The following CNOT6L variants were observed in gnomAD, a reference collection of about 807,000 sequenced individuals.
The protein encoded by CNOT6L is CCR4-NOT transcription complex subunit 6 like.
Under a neutral mutation model 64.0 loss-of-function variants are expected in CNOT6L, and 7 were observed. The ratio of observed to expected loss-of-function variants is 0.11; its 90% confidence interval spans 0.06 to 0.21. The LOEUF is 0.21. Ranked by LOEUF, CNOT6L falls within the 10% of genes least tolerant of loss-of-function variation. The pLI is 1.00. For missense variants in CNOT6L, 245 were observed against 669.0 expected (o/e 0.37, Z 6.99); for synonymous variants, 193 against 243.4 (o/e 0.79, Z 1.93).
chr4:77,732,271 T>C (rs1295563624), intron 8 of CNOT6L, among the ~76,000 whole-genome samples: 3 of 152,062 alleles, frequency 2.0e-5, no homozygotes, highest in African/African-American at 4.8e-5. Flanking sequence ...CATTGTAGAG[T>C]TGTAGGATTT....
intron 1 of CNOT6L, among the ~76,000 whole-genome samples, chr4:77,805,421 T>C (rs1359459003): frequency 6.6e-6 from 1 of 152,056 alleles, no homozygotes; most frequent in Non-Finnish European, 1.5e-5. Flanking sequence ...ACCTGTGAAT[T>C]TATATAGAAA....
chr4:77,793,100 C>T (rs377410885), intron 1 of CNOT6L, among the ~76,000 whole-genome samples: 6 of 151,854 alleles, frequency 4.0e-5, no homozygotes, highest in African/African-American at 1.2e-4. Flanking sequence ...AAGCATGAGT[C>T]CAGAGTATAG....
At chr4:77,762,733 T>G (rs1726382303) in intron 4 of CNOT6L, among the ~76,000 whole-genome samples, 1 of 152,104 alleles carries the variant, frequency 6.6e-6, no homozygotes, top group Non-Finnish European at 1.5e-5. Context: ...ACTCAAAAGG[T>G]GACATACTGT....
Position 77,716,102 on chromosome 4 carries a change from C to T in CNOT6L, c.*4329G>A, listed in dbSNP as rs538718353. ...GAAAGGCGTAAATGAATCTACTACA[C>T]ATTAGAAAAGTGACCTTTTTTAAAG... On this transcript the variant is annotated 3_prime_UTR_variant, in exon 12 of 12. Transcript: ENST00000504123. 6.7e-6 allele frequency: 1 copy of T among 148,220 alleles called. No homozygotes were observed. The highest frequency in any genetic ancestry group is 1.5e-5 in the Non-Finnish European group (1 of 66,926). 9.2% of individuals were successfully genotyped at this position (148,220 alleles called of 1,614,324 possible).
At chr4:77,797,278 T>A (rs941519245) in intron 1 of CNOT6L, among the ~76,000 whole-genome samples, 8 of 151,910 alleles carry the variant, frequency 5.3e-5, no homozygotes, top group African/African-American at 1.7e-4. Context: ...CTGTCCCTTA[T>A]CTACAGTTTC....
At chr4:77,801,696 G>GGA (rs1263886104) in intron 1 of CNOT6L, among the ~76,000 whole-genome samples, 1 of 133,628 alleles carries the variant, frequency 7.5e-6, no homozygotes, top group Non-Finnish European at 1.6e-5. Flanking sequence ...AAATTGGGGG[G>GGA]GGGGGAGAAT....
In CNOT6L at chr4:77,719,890, G is replaced by A. The variant is rs1285881204; in HGVS notation, c.*541C>T. ...TTCAAATTTTCTTACCATGTATAGA[G>A]GCTATATCATAGTTTATGGACTGAA... On this transcript the variant is annotated 3_prime_UTR_variant, in exon 12 of 12. Transcript: ENST00000504123. The A allele has an allele frequency of 1.3e-5, 2 of 153,064 alleles. No individual in the cohort carries two copies. Among genetic ancestry groups the A allele is most frequent in the Non-Finnish European group, 2.9e-5 (2 of 68,430 alleles). The allele number at this position is 153,064 out of a possible 1,614,324, so 9.5% of individuals were successfully genotyped here. A position where few individuals can be genotyped will look rare whatever the true frequency, so the allele number is the denominator to read the frequency against.
intron 1 of CNOT6L, among the ~76,000 whole-genome samples, chr4:77,808,259 C>T (rs1268562176): frequency 9.2e-5 from 14 of 151,680 alleles, no homozygotes; most frequent in African/African-American, 3.1e-4. Context: ...GTCAGGAGTT[C>T]GAGACCAGCC....
At chr4:77,808,668 G>GGAGATA (rs1732532452) in intron 1 of CNOT6L, among the ~76,000 whole-genome samples, 1 of 152,096 alleles carries the variant, frequency 6.6e-6, no homozygotes. Flanking sequence ...TATAATGGAA[G>GGAGATA]TTGTAGACTA....
chr4:77,790,924 T>C (rs1730075661), intron 1 of CNOT6L, among the ~76,000 whole-genome samples: 1 of 151,586 alleles, frequency 6.6e-6, no homozygotes, highest in East Asian at 2.0e-4. Flanking sequence ...CTTTCCAAAG[T>C]GCTGGGATTA....
intron 8 of CNOT6L, among the ~76,000 whole-genome samples, chr4:77,733,647 C>A (rs573548137): frequency 6.6e-6 from 1 of 151,910 alleles, no homozygotes; most frequent in African/African-American, 2.4e-5. Context: ...TTACTTCTAC[C>A]AAAGCTAGGT....
intron 4 of CNOT6L, among the ~76,000 whole-genome samples, chr4:77,770,703 CTTGA>C (rs1404103882): frequency 5.9e-5 from 9 of 152,152 alleles, no homozygotes; most frequent in Admixed American, 6.5e-5. Context: ...TGGTGTCTGA[CTTGA>C]TAGATTTTAA....
chr4:77,806,070 T>G (rs977978580), intron 1 of CNOT6L, among the ~76,000 whole-genome samples: 1 of 152,192 alleles, frequency 6.6e-6, no homozygotes, highest in African/African-American at 2.4e-5. Flanking sequence ...TTAAAAGGCC[T>G]CCTTCTTCCC....
intron 1 of CNOT6L, among the ~76,000 whole-genome samples, chr4:77,815,791 C>A (rs1733503032): frequency 6.6e-6 from 1 of 152,144 alleles, no homozygotes; most frequent in African/African-American, 2.4e-5. Flanking sequence ...GTCACAAGAT[C>A]TAAGTTGTAT....
chr4:77,749,375 T>C (rs1026951454), intron 5 of CNOT6L, among the ~76,000 whole-genome samples: 2 of 152,196 alleles, frequency 1.3e-5, no homozygotes, highest in African/African-American at 4.8e-5. Flanking sequence ...CTTCTGGCTA[T>C]GTGAGTGCCA....
rs564494599 is a variant in CNOT6L, at chr4:77,747,427, C to T, written c.559+889G>A. On this transcript the variant is annotated intron_variant, in intron 6 of 11. Transcript: ENST00000504123. ...AACAGATCTGCCCGCCTTGGCCTCCCAATGTGCTGGGATTACAGGCATGAG... is the reference window on the plus strand; with the variant it reads ...AACAGATCTGCCCGCCTTGGCCTCCTAATGTGCTGGGATTACAGGCATGAG... 2.6e-5 allele frequency among the ~76,000 whole-genome samples: 4 copies of T among 152,294 alleles called. No individual in the cohort carries two copies. The East Asian group carries it at 7.7e-4, about 29-fold the overall frequency.
chr4:77,807,293 A>AAAAAAAAAAAAAT (rs1553899159), intron 1 of CNOT6L, among the ~76,000 whole-genome samples: 6 of 150,870 alleles, frequency 4.0e-5, no homozygotes, highest in African/African-American at 1.5e-4. Flanking sequence ...AAAAAAAAAA[A>AAAAAAAAAAAAAT]TCCTACAATC....
At chr4:77,742,648 T>C (rs1723716883) in intron 7 of CNOT6L, among the ~76,000 whole-genome samples, 1 of 152,170 alleles carries the variant, frequency 6.6e-6, no homozygotes, top group African/African-American at 2.4e-5. Context: ...GATTCTGTGA[T>C]AGGGAATAGT....
At chr4:77,817,231 TTAAG>T (rs1040043054) in intron 1 of CNOT6L, among the ~76,000 whole-genome samples, 4 of 151,972 alleles carry the variant, frequency 2.6e-5, no homozygotes, top group Admixed American at 2.6e-4. Context: ...GAAAAAAAAA[TTAAG>T]TATGACTATT....
Sources: gnomAD v4.1 joint callset for allele counts (sites outside exome capture counted in the v4.1 genomes callset) on GRCh38, gnomAD v4.1.1 for gene constraint, MANE v1.5 for transcripts, NCBI Gene and HGNC (gene_info 2026-07-23, HGNC 2026-07-21) for gene names.